C12orf42: variants seen among roughly 807,000 people sequenced by gnomAD.
The protein encoded by C12orf42 is uncharacterized protein C12orf42.
A neutral mutation model predicts 21.6 loss-of-function variants in C12orf42; 25 were observed. The ratio of observed to expected loss-of-function variants is 1.16; its 90% CI spans 0.84 to 1.62. The LOEUF is 1.62. Ranked by LOEUF, C12orf42 falls within the 40% of genes most tolerant of loss-of-function variation. C12orf42 has a pLI of 0.00. For missense variants in C12orf42, 483 were observed against 459.3 expected (o/e 1.05, Z -0.47); for synonymous variants, 174 against 175.0 (o/e 0.99, Z 0.05).
At chr12:103,454,678 T>C (rs1952171830) in intron 2 of C12orf42, among the ~76,000 whole-genome samples, 1 of 152,190 alleles carries the variant, frequency 6.6e-6, no homozygotes, top group Non-Finnish European at 1.5e-5. Flanking sequence ...TTCTACTGTC[T>C]TGCTGAAACT....
chr12:103,534,336 AATT>A, the C12orf42 span, among the ~76,000 whole-genome samples: 1 of 152,150 alleles, frequency 6.6e-6, no homozygotes, highest in African/African-American at 2.4e-5. Context: ...GATACATCAT[AATT>A]ACCACTGTTT....
the C12orf42 span, among the ~76,000 whole-genome samples, chr12:103,188,010 A>G: frequency 6.6e-6 from 1 of 152,202 alleles, no homozygotes; most frequent in Non-Finnish European, 1.5e-5. Context: ...CCTTCTGGTA[A>G]GAGTACTCTG....
chr12:103,139,225 C>T, the C12orf42 span, among the ~76,000 whole-genome samples: 9 of 152,236 alleles, frequency 5.9e-5, no homozygotes, highest in Middle Eastern at 3.4e-3. Flanking sequence ...ATCAATAAAG[C>T]GCATTATTAA....
intron 2 of C12orf42, among the ~76,000 whole-genome samples, chr12:103,474,454 A>ATGTATGTATGTGTGTG (rs1555212293): frequency 6.7e-6 from 1 of 149,374 alleles, no homozygotes; most frequent in African/African-American, 2.5e-5. Flanking sequence ...GTATGTATGT[A>ATGTATGTATGTGTGTG]TGTGTGTGTG....
At chr12:103,226,299 GTTAA>G in the C12orf42 span, among the ~76,000 whole-genome samples, 2 of 152,208 alleles carry the variant, frequency 1.3e-5, no homozygotes, top group African/African-American at 4.8e-5. Context: ...TGAAGGTGAG[GTTAA>G]TTAAGTCCTG....
At chr12:103,329,625 A>T (rs1454877346) in intron 4 of C12orf42, among the ~76,000 whole-genome samples, 1 of 151,876 alleles carries the variant, frequency 6.6e-6, no homozygotes, top group South Asian at 2.1e-4. Context: ...TTAAAAAAAA[A>T]AAAAGGCCCA....
intron 5 of C12orf42, among the ~76,000 whole-genome samples, chr12:103,273,305 T>G (rs1020157874): frequency 6.6e-6 from 1 of 152,194 alleles, no homozygotes; most frequent in African/African-American, 2.4e-5. Context: ...AGGATTTTTT[T>G]AAAGGTAATA....
chr12:103,528,695 G>C, the C12orf42 span, among the ~76,000 whole-genome samples: 13 of 152,310 alleles, frequency 8.5e-5, no homozygotes, highest in East Asian at 2.1e-3. Flanking sequence ...GCCCAATCTA[G>C]AACTTTTCCA....
At chr12:103,495,306 C>T (rs1955450632) in intron 1 of C12orf42, among the ~76,000 whole-genome samples, 1 of 152,082 alleles carries the variant, frequency 6.6e-6, no homozygotes, top group African/African-American at 2.4e-5. Flanking sequence ...GAGGAACTTT[C>T]CTGGTGCGGA....
the C12orf42 span, among the ~76,000 whole-genome samples, chr12:103,535,767 C>T: frequency 6.6e-6 from 1 of 152,050 alleles, no homozygotes; most frequent in Non-Finnish European, 1.5e-5. Flanking sequence ...GGAAGTAGAT[C>T]TGTGAGATAA....
chr12:103,201,132 G>A, the C12orf42 span, among the ~76,000 whole-genome samples: 1 of 152,214 alleles, frequency 6.6e-6, no homozygotes. Context: ...TGTGTGACAT[G>A]CCATCAGGCA....
chr12:103,091,420 C>G, the C12orf42 span, among the ~76,000 whole-genome samples: 11 of 151,226 alleles, frequency 7.3e-5, no homozygotes, highest in African/African-American at 2.7e-4. Flanking sequence ...CAAACATTTT[C>G]TTGGAGTCAC....
At chr12:103,236,059 G>A (rs1713541248), downstream of C12orf42, among the ~76,000 whole-genome samples, 1 of 151,938 alleles carries the variant, frequency 6.6e-6, no homozygotes, top group African/African-American at 2.4e-5. Context: ...TGCACTTCAG[G>A]AACTTCCATA....
the C12orf42 span, among the ~76,000 whole-genome samples, chr12:103,523,355 G>A: frequency 4.6e-5 from 7 of 151,958 alleles, no homozygotes; most frequent in South Asian, 6.3e-4. Flanking sequence ...AAATGTTACT[G>A]ATTTTTTATA....
the C12orf42 span, among the ~76,000 whole-genome samples, chr12:103,171,960 T>A: frequency 2.6e-5 from 4 of 152,070 alleles, no homozygotes; most frequent in Non-Finnish European, 5.9e-5. Context: ...GTCCCTATGT[T>A]GAGCACTGTA....
chr12:103,296,343 T>C (rs1265841882), intron 4 of C12orf42, among the ~76,000 whole-genome samples: 1 of 152,148 alleles, frequency 6.6e-6, no homozygotes, highest in Non-Finnish European at 1.5e-5. Flanking sequence ...TGTGTCTTTA[T>C]AGCAGCATGA....
intron 10 of C12orf42, among the ~76,000 whole-genome samples, chr12:103,247,839 G>A (rs1287607713): frequency 6.6e-6 from 1 of 152,154 alleles, no homozygotes; most frequent in South Asian, 2.1e-4. Context: ...TAGTTATGAA[G>A]AGAAACAGTA....
chr12:103,284,866 AT>A (rs996874361), intron 4 of C12orf42, among the ~76,000 whole-genome samples: 10 of 151,966 alleles, frequency 6.6e-5, no homozygotes, highest in Admixed American at 2.6e-4. Flanking sequence ...GATTACACTC[AT>A]TTTTTTTAAT....
chr12:103,369,347 C>CA (rs35959433), intron 3 of C12orf42, among the ~76,000 whole-genome samples: 6,061 of 149,420 alleles, frequency 0.041, 333 homozygotes, highest in African/African-American at 0.12. Flanking sequence ...TGGAGAGTGA[C>CA]AAAAAAAAAC....
Sources: gnomAD v4.1 joint callset for allele counts (sites outside exome capture counted in the v4.1 genomes callset) on GRCh38, gnomAD v4.1.1 for gene constraint, MANE v1.5 for transcripts, NCBI Gene and HGNC (gene_info 2026-07-23, HGNC 2026-07-21) for gene names.